PCDHGC3: variants seen among roughly 807,000 people sequenced by gnomAD.
PCDHGC3 encodes protocadherin gamma subfamily C, 3.
PCDHGC3 carries 26 observed loss-of-function variants against 59.2 expected under a neutral mutation model. That is an observed-to-expected ratio of 0.44 (90% CI 0.32 to 0.61). PCDHGC3 has a LOEUF of 0.61. PCDHGC3 is among the 20% of genes least tolerant of loss of function. The pLI, the probability that PCDHGC3 is intolerant of heterozygous loss-of-function variation, is 0.05. For synonymous variants in PCDHGC3, 487 were observed against 519.7 expected (o/e 0.94, Z 0.86); for missense variants, 1,080 against 1,221.8 (o/e 0.88, Z 1.73).
At chr5:141,492,576 G>A (rs2099742137) in intron 1 of PCDHGC3, among the ~76,000 whole-genome samples, 1 of 152,234 alleles carries the variant, frequency 6.6e-6, no homozygotes, top group Admixed American at 6.5e-5. Context: ...AGCGAGGCGC[G>A]GGGCCAGGAG....
rs1243327893 is a variant in PCDHGC3, at chr5:141,491,671, C to G, written c.2431-3136C>G. 1 of 1,613,484 alleles carries G rather than the reference C, an allele frequency of 6.2e-7. No homozygotes were observed. Among genetic ancestry groups the G allele is most frequent in the Admixed American group, 1.7e-5 (1 of 60,034 alleles). On this transcript the variant is annotated intron_variant, in intron 1 of 3. Transcript: ENST00000308177. This position sits in a 1 kb window ranked among gnomAD's most constrained non-coding sequence, Gnocchi z 6.9. ...GCTGGAGCCTGACGCCATCCGGTCC[C>G]GCTCTAATACGCTGCGGGAGCGGAG...
Position 141,511,390 on chromosome 5 carries a change from C to T in PCDHGC3, c.*217C>T, listed in dbSNP as rs2099883760. 1.8e-6 allele frequency: 2 copies of T among 1,101,460 alleles called. No individual in the cohort carries two copies. Among genetic ancestry groups the T allele is most frequent in the Admixed American group, 2.9e-5 (1 of 34,440 alleles). The allele number at this position is 1,101,460 out of a possible 1,614,324, so 68.2% of individuals were successfully genotyped here. A position where few individuals can be genotyped will look rare whatever the true frequency, so the allele number is the denominator to read the frequency against. On this transcript the variant is annotated 3_prime_UTR_variant, in exon 4 of 4. Transcript: ENST00000308177. ...ATGCAAAAGCAGTTCCGCTGGGAAC[C>T]CCCATCCAATCAACTGCTGTACCCA... is the stretch of plus-strand genomic sequence containing the variant.
intron 3 of PCDHGC3, 48 bp downstream of exon 3, chr5:141,505,529 T>C (rs1479433990): frequency 1.9e-6 from 3 of 1,612,066 alleles, no homozygotes; most frequent in Non-Finnish European, 2.5e-6. Context: ...CCTGGGGTTC[T>C]GGGGTGCATC....
rs372326132 is a variant in PCDHGC3 at position 141,486,185 on chromosome 5, G to A, written c.2430+7639G>A. On this transcript the variant is annotated intron_variant, in intron 1 of 3. Coordinates refer to ENST00000308177, the MANE Select transcript of PCDHGC3 (RefSeq NM_002588.4). The surrounding 1 kb of genome is among the most constrained non-coding windows in gnomAD (Gnocchi z 5.0). ...CATGGAGCAACATTGCAGCCTTCGAGTGGATCTGCTGGACGTAAATGACAA... is the reference window on the plus strand; with the variant it reads ...CATGGAGCAACATTGCAGCCTTCGAATGGATCTGCTGGACGTAAATGACAA... 42 of 1,614,108 alleles carry A rather than the reference G, an allele frequency of 2.6e-5. No homozygotes were observed. The highest frequency in any genetic ancestry group is 3.4e-5 in the Non-Finnish European group (40 of 1,180,048).
rs1427052612 is a variant in PCDHGC3 at position 141,493,002 on chromosome 5, A to G, written c.2431-1805A>G. Among the ~76,000 whole-genome samples, 4 of 152,246 alleles carry G rather than the reference A, an allele frequency of 2.6e-5. No individual in the cohort carries two copies. The highest frequency in any genetic ancestry group is 2.1e-4 in the South Asian group (1 of 4,832). On this transcript the variant is annotated intron_variant, in intron 1 of 3. Transcript: ENST00000308177. This position sits in a 1 kb window ranked among gnomAD's most constrained non-coding sequence, Gnocchi z 4.3. ...TCTCCTCTGGCAGATGGAAAGCTAT[A>G]GGCTCTGCCAGATGCCAGGGTGCCC... is the stretch of plus-strand genomic sequence containing the variant.
In PCDHGC3 at chr5:141,489,307, T is replaced by A; in HGVS notation, c.2431-5500T>A. On this transcript the variant is annotated intron_variant, in intron 1 of 3. Transcript: ENST00000308177. The surrounding 1 kb of genome is among the most constrained non-coding windows in gnomAD (Gnocchi z 4.5). ...AGTGCTGTGCATGTTGTCCTTGTGCTGCTGGGGCTGGGTGTCTGGGCAGCT... is the reference window on the plus strand; with the variant it reads ...AGTGCTGTGCATGTTGTCCTTGTGCAGCTGGGGCTGGGTGTCTGGGCAGCT... The A allele has an allele frequency of 6.3e-7, 1 of 1,591,138 alleles. No individual in the cohort carries two copies. The highest frequency in any genetic ancestry group is 8.6e-7 in the Non-Finnish European group (1 of 1,168,222).
intron 2 of PCDHGC3, among the ~76,000 whole-genome samples, chr5:141,504,968 C>A (rs1377016827): frequency 1.3e-5 from 2 of 152,206 alleles, no homozygotes; most frequent in East Asian, 3.9e-4. Context: ...ATTGGACCAG[C>A]CTGGCCAACA....
At chr5:141,502,866 C>CTTT (rs549047197) in intron 2 of PCDHGC3, among the ~76,000 whole-genome samples, 3 of 128,046 alleles carry the variant, frequency 2.3e-5, no homozygotes, top group African/African-American at 9.3e-5. Context: ...GACTCTCTGT[C>CTTT]TTTTTTTTTT....
At position 141,486,250 on chromosome 5, in the gene PCDHGC3, C is replaced by T; in HGVS notation, c.2430+7704C>T. 1 of 1,614,140 alleles carries T rather than the reference C, an allele frequency of 6.2e-7. No homozygotes were observed. The highest frequency in any genetic ancestry group is 2.2e-5 in the East Asian group (1 of 44,872). On this transcript the variant is annotated intron_variant, in intron 1 of 3. Coordinates refer to ENST00000308177, the MANE Select transcript of PCDHGC3 (RefSeq NM_002588.4). The surrounding 1 kb of genome is among the most constrained non-coding windows in gnomAD (Gnocchi z 5.0). ...CAGTGACCTCAGAGCTTGGAACCCT[C>T]CCCGAGAGTGCAGAACCTGGCACTG...
In PCDHGC3 at chr5:141,511,352, C is replaced by A. The variant is rs2099883742; in HGVS notation, c.*179C>A. The A allele has an allele frequency of 3.6e-6, 5 of 1,381,248 alleles. No homozygotes were observed. The highest frequency in any genetic ancestry group is 2.7e-4 in the Middle Eastern group (1 of 3,772). 85.6% of individuals were successfully genotyped at this position (1,381,248 alleles called of 1,614,324 possible). ...CAGTCAGCACCTACCCCTTCCCCCCCAGGGGGTTGAATATGCAAAAGCAGT... is the reference window on the plus strand; with the variant it reads ...CAGTCAGCACCTACCCCTTCCCCCCAAGGGGGTTGAATATGCAAAAGCAGT... On this transcript the variant is annotated 3_prime_UTR_variant, in exon 4 of 4. Coordinates refer to ENST00000308177, the MANE Select transcript of PCDHGC3 (RefSeq NM_002588.4).
At position 141,485,704 on chromosome 5, in the gene PCDHGC3, CTT is replaced by C; in HGVS notation, c.2430+7160_2430+7161del. On this transcript the variant is annotated intron_variant, in intron 1 of 3. Coordinates refer to ENST00000308177, the MANE Select transcript of PCDHGC3 (RefSeq NM_002588.4). The surrounding 1 kb of genome is among the most constrained non-coding windows in gnomAD (Gnocchi z 5.7). ...GCTATAGGCTGAGCTCCAATGAACA[CTT>C]TGCACTGGATGTGAAGAAGCGCAGC... is the stretch of plus-strand genomic sequence containing the variant. 6.2e-7 allele frequency: 1 copy of C among 1,614,180 alleles called. No homozygotes were observed. The highest frequency in any genetic ancestry group is 8.5e-7 in the Non-Finnish European group (1 of 1,180,032).
chr5:141,500,835 A>G (rs965204931), intron 2 of PCDHGC3, among the ~76,000 whole-genome samples: 13 of 152,118 alleles, frequency 8.5e-5, no homozygotes, highest in African/African-American at 3.1e-4. Context: ...TCTAATGCTA[A>G]TGGGCTTTTG....
intron 2 of PCDHGC3, among the ~76,000 whole-genome samples, chr5:141,500,469 A>G (rs917974103): frequency 1.3e-5 from 2 of 152,052 alleles, no homozygotes; most frequent in East Asian, 1.9e-4. Context: ...TCGGCCTCCC[A>G]AAGTGCTGGG....
At chr5:141,484,878 G>C (rs2099602522) in intron 1 of PCDHGC3, 1 of 341,888 alleles carries the variant, frequency 2.9e-6, no homozygotes, top group Non-Finnish European at 5.3e-6. Flanking sequence ...TGGAGGATAG[G>C]GTGGGCTTTT....
chr5:141,500,309 C>T (rs777434466), intron 2 of PCDHGC3, among the ~76,000 whole-genome samples: 2 of 151,602 alleles, frequency 1.3e-5, no homozygotes, highest in Non-Finnish European at 2.9e-5. Flanking sequence ...CCCAGGTTCA[C>T]GCCATGCTCC....
Position 141,491,509 on chromosome 5 carries a change from C to T in PCDHGC3, c.2431-3298C>T. 6.2e-7 allele frequency: 1 copy of T among 1,614,058 alleles called. No individual in the cohort carries two copies. Among genetic ancestry groups the T allele is most frequent in the Non-Finnish European group, 8.5e-7 (1 of 1,180,022 alleles). On this transcript the variant is annotated intron_variant, in intron 1 of 3. Coordinates refer to ENST00000308177, the MANE Select transcript of PCDHGC3 (RefSeq NM_002588.4). The surrounding 1 kb of genome is among the most constrained non-coding windows in gnomAD (Gnocchi z 6.9). Reference sequence around the variant, plus strand: ...CCTGCAGGTGAGCTCGGACGGCACGCTCAAGTACATGGAGGTGACGCTGCG... The same window carrying T: ...CCTGCAGGTGAGCTCGGACGGCACGTTCAAGTACATGGAGGTGACGCTGCG...
chr5:141,495,449 G>T (rs1249221693), intron 2 of PCDHGC3, among the ~76,000 whole-genome samples: 1 of 152,194 alleles, frequency 6.6e-6, no homozygotes, highest in East Asian at 1.9e-4. Flanking sequence ...TACTTGTCCT[G>T]CTCTCTGTCT....
rs767719494 is a variant in PCDHGC3 at position 141,491,200 on chromosome 5, C to T, written c.2431-3607C>T. On this transcript the variant is annotated intron_variant, in intron 1 of 3. Coordinates refer to ENST00000308177, the MANE Select transcript of PCDHGC3 (RefSeq NM_002588.4). This position sits in a 1 kb window ranked among gnomAD's most constrained non-coding sequence, Gnocchi z 6.9. The stretch of plus-strand genomic sequence containing the variant: ...GGTCCTGGTGAGGGACAATGGTGAC[C>T]CTTCACTCTCCTCCACAGCCACAGT... 4 of 1,614,158 alleles carry T rather than the reference C, an allele frequency of 2.5e-6. No individual in the cohort carries two copies. The highest frequency in any genetic ancestry group is 3.4e-6 in the Non-Finnish European group (4 of 1,180,000).
Position 141,477,531 on chromosome 5 carries a change from C to G in PCDHGC3, c.1415C>G (p.Pro472Arg). Reference protein sequence around the residue: ...YDVYIEENNLPGAPILNLSVW... With the variant: ...YDVYIEENNLRGAPILNLSVW... ...GTTTACATTGAAGAAAACAACCTCC[C>G]CGGGGCTCCAATACTAAACCTAAGT... The change falls in exon 1 of 4, where the codon CCC (proline) becomes CGC (arginine). Residue 472 changes from proline (P) to arginine (R), a missense_variant. Physicochemically the swap from Pro to Arg is moderately radical, Grantham distance 103. Coordinates refer to ENST00000308177, the MANE Select transcript of PCDHGC3 (RefSeq NM_002588.4). This position sits in a 1 kb window ranked among gnomAD's most constrained non-coding sequence, Gnocchi z 4.9. The G allele has an allele frequency of 6.2e-7, 1 of 1,614,162 alleles. No homozygotes were observed. Among genetic ancestry groups the G allele is most frequent in the South Asian group, 1.1e-5 (1 of 91,086 alleles).
Sources: gnomAD v4.1 joint callset for allele counts (sites outside exome capture counted in the v4.1 genomes callset) on GRCh38, gnomAD v4.1.1 for gene constraint, Gnocchi (gnomAD v3.1) non-coding constraint, MANE v1.5 for transcripts, NCBI Gene and HGNC (gene_info 2026-07-23, HGNC 2026-07-21) for gene names.